Variants in SPAG9 observed in about 807,000 individuals in gnomAD.
SPAG9 encodes sperm associated antigen 9, also known as C-Jun-amino-terminal kinase-interacting protein 4.
In SPAG9, 35 loss-of-function variants were observed where a neutral mutation model predicts 166.5. The ratio of observed to expected loss-of-function variants is 0.21; its 90% CI spans 0.16 to 0.28. SPAG9 has a LOEUF of 0.28. Among genes scored for constraint, SPAG9 ranks in the 10% least tolerant of loss-of-function variants. The pLI is 1.00. For missense variants in SPAG9, 1,235 were observed against 1,603.3 expected, an observed-to-expected ratio of 0.77 and a Z score of 3.92; for synonymous variants, 534 against 565.5, an observed-to-expected ratio of 0.94 and a Z score of 0.79.
chr17:51,082,046 C>T (rs2048178597), intron 1 of SPAG9, among the ~76,000 whole-genome samples: 1 of 152,114 alleles, frequency 6.6e-6, no homozygotes, highest in African/African-American at 2.4e-5. Flanking sequence ...CAAATCTCAC[C>T]TTCTTGGTGA....
At chr17:51,108,304 T>C (rs2049010798) in intron 1 of SPAG9, among the ~76,000 whole-genome samples, 1 of 150,986 alleles carries the variant, frequency 6.6e-6, no homozygotes, top group Non-Finnish European at 1.5e-5. Flanking sequence ...CAAGAATCAC[T>C]TGAACCCAGG....
chr17:50,980,184 A>G (rs917126617), intron 25 of SPAG9, among the ~76,000 whole-genome samples: 8 of 152,060 alleles, frequency 5.3e-5, no homozygotes, highest in African/African-American at 1.9e-4. Flanking sequence ...ACAGTGCTCA[A>G]CAGAAAGATT....
intron 1 of SPAG9, among the ~76,000 whole-genome samples, chr17:51,112,693 A>AAAC (rs2049152613): frequency 6.8e-6 from 1 of 147,232 alleles, no homozygotes; most frequent in African/African-American, 2.6e-5. Context: ...AAAAAAAAAA[A>AAAC]AAAAAACTTT....
intron 2 of SPAG9, among the ~76,000 whole-genome samples, chr17:51,057,795 A>C (rs1179302490): frequency 6.6e-6 from 1 of 152,214 alleles, no homozygotes; most frequent in East Asian, 1.9e-4. Flanking sequence ...ACAAGTGTTG[A>C]ATACATCTGC....
At chr17:50,990,362 T>C in intron 20 of SPAG9, 88 bp downstream of exon 20, 1 of 1,002,362 alleles carries the variant, frequency 1.0e-6, no homozygotes, top group Middle Eastern at 2.3e-4. Context: ...TCAACCTTGT[T>C]ACTTAAGATC....
chr17:51,116,321 T>C (rs1213677421), intron 1 of SPAG9, among the ~76,000 whole-genome samples: 1 of 152,164 alleles, frequency 6.6e-6, no homozygotes, highest in East Asian at 1.9e-4. Context: ...GCTGGGACTA[T>C]AGATGTGAGC....
chr17:51,071,467 A>G (rs2047818101), intron 2 of SPAG9, among the ~76,000 whole-genome samples: 1 of 152,206 alleles, frequency 6.6e-6, no homozygotes, highest in Non-Finnish European at 1.5e-5. Flanking sequence ...TGCTCCAGAT[A>G]AGGAATAATA....
chr17:50,966,951 T>C (rs1425811050), intron 29 of SPAG9, among the ~76,000 whole-genome samples: 1 of 152,232 alleles, frequency 6.6e-6, no homozygotes, highest in African/African-American at 2.4e-5. Flanking sequence ...TTTCTTCCAA[T>C]GATTTTCAAG....
At chr17:51,093,505 G>A (rs1013402615) in intron 1 of SPAG9, among the ~76,000 whole-genome samples, 14 of 151,690 alleles carry the variant, frequency 9.2e-5, no homozygotes, top group East Asian at 1.9e-4. Context: ...GATCGAGACC[G>A]TCCTGGCTAA....
At chr17:50,989,907 G>C (rs1426277081) in intron 20 of SPAG9, 35 bp from the exon 21 acceptor site, 1 of 1,579,488 alleles carries the variant, frequency 6.3e-7, no homozygotes, top group Admixed American at 1.7e-5. Flanking sequence ...CCAAGTCTGG[G>C]CTTTTCTCCT....
chr17:51,077,015 TAG>T (rs1568065317), intron 2 of SPAG9, among the ~76,000 whole-genome samples: 4 of 93,272 alleles, frequency 4.3e-5, no homozygotes, highest in African/African-American at 2.0e-4. Context: ...GCTAGCTAGC[TAG>T]CTATCTAGCT....
chr17:51,092,904 C>T (rs575812954), intron 1 of SPAG9, among the ~76,000 whole-genome samples: 10 of 152,024 alleles, frequency 6.6e-5, no homozygotes, highest in East Asian at 5.8e-4. Context: ...CACCACTGCA[C>T]GCCTGCCTGG....
chr17:51,112,353 G>A (rs1390079592), intron 1 of SPAG9, among the ~76,000 whole-genome samples: 1 of 137,800 alleles, frequency 7.3e-6, no homozygotes, highest in Admixed American at 7.7e-5. Flanking sequence ...GGGCAACACA[G>A]TGTGACCCCA....
In SPAG9 at chr17:50,985,008, G is replaced by A. The variant is rs752727635; in HGVS notation, c.3021-18C>T. On this transcript the variant is annotated intron_variant, in intron 23 of 29. Coordinates refer to ENST00000262013, the MANE Select transcript of SPAG9 (RefSeq NM_001130528.3). ...TCACGTGTCTGCAAACAGGAAAGGG[G>A]AGTTCAGAACTCTCCATTCAGGAAT... is the stretch of plus-strand genomic sequence containing the variant. The A allele has an allele frequency of 5.0e-6, 8 of 1,612,898 alleles. No homozygotes were observed. In the Admixed American group the frequency reaches 1.3e-4, roughly 27 times the overall value.
intron 2 of SPAG9, among the ~76,000 whole-genome samples, chr17:51,066,285 AT>A (rs973691305): frequency 6.6e-6 from 1 of 151,604 alleles, no homozygotes; most frequent in Non-Finnish European, 1.5e-5. Flanking sequence ...TAATTTTTTG[AT>A]TTTTTGTAGA....
At chr17:51,094,442 AT>A (rs757599289) in intron 1 of SPAG9, among the ~76,000 whole-genome samples, 1 of 152,200 alleles carries the variant, frequency 6.6e-6, no homozygotes, top group Non-Finnish European at 1.5e-5. Context: ...ATAGTATGCT[AT>A]TTTTAAAAGT....
intron 12 of SPAG9, among the ~76,000 whole-genome samples, chr17:51,003,651 G>A (rs960255726): frequency 1.5e-4 from 23 of 152,160 alleles, no homozygotes; most frequent in African/African-American, 3.4e-4. Flanking sequence ...TCAAGTCAAC[G>A]TCCTATAGGC....
At chr17:50,976,706 C>G (rs962957031) in intron 27 of SPAG9, 1 of 153,410 alleles carries the variant, frequency 6.5e-6, no homozygotes, top group African/African-American at 2.4e-5. Context: ...AAACTTCTTC[C>G]ACAACTTTTT....
chr17:51,098,373 G>T (rs1041193356), intron 1 of SPAG9, among the ~76,000 whole-genome samples: 2 of 151,630 alleles, frequency 1.3e-5, no homozygotes, highest in African/African-American at 4.8e-5. Flanking sequence ...AGAGGGAAGG[G>T]TGAGACAGTT....
Sources: allele counts gnomAD v4.1 joint callset (sites outside exome capture counted in the v4.1 genomes callset), GRCh38; gene constraint gnomAD v4.1.1; transcripts MANE v1.5; gene names NCBI Gene and HGNC (gene_info 2026-07-23, HGNC 2026-07-21).